SNCAIP: variants seen among roughly 807,000 people sequenced by gnomAD.
The protein encoded by SNCAIP is synphilin-1.
SNCAIP carries 43 observed loss-of-function variants against 86.7 expected under a neutral mutation model. That is an observed-to-expected ratio of 0.50 (90% CI 0.39 to 0.64). SNCAIP has a LOEUF of 0.64. Ranked by LOEUF, SNCAIP falls within the 30% of genes least tolerant of loss-of-function variation. SNCAIP has a pLI of 0.00. For synonymous variants in SNCAIP, 417 were observed against 427.2 expected (o/e 0.98, Z 0.29); for missense variants, 981 against 1,103.1 (o/e 0.89, Z 1.57).
chr5:122,315,428 ACATTAGCTACTCTCC>A (rs1305170280), intron 1 of SNCAIP, among the ~76,000 whole-genome samples: 1 of 152,222 alleles, frequency 6.6e-6, no homozygotes, highest in Non-Finnish European at 1.5e-5. Flanking sequence ...ACCTTGAATC[ACATTAGCTACTCTCC>A]CATTAGCCAT....
At position 122,403,851 on chromosome 5, in the gene SNCAIP, A is replaced by G; in HGVS notation, c.116A>G (p.Asn39Ser). Residue 39 changes from asparagine to serine, a missense_variant, in exon 3 of 11, where the codon AAC becomes AGC. Transcript: ENST00000261368. ...PELCRRCDTQ[N>S]EDRSVSSSSW... ...CTGTGCCGAAGATGTGATACGCAAAACGAAGACAGATCAGGTAGGTTTTGC... is the reference window on the plus strand; with the variant it reads ...CTGTGCCGAAGATGTGATACGCAAAGCGAAGACAGATCAGGTAGGTTTTGC... 6.2e-7 allele frequency: 1 copy of G among 1,613,574 alleles called. No individual in the cohort carries two copies. Among genetic ancestry groups the G allele is most frequent in the Non-Finnish European group, 8.5e-7 (1 of 1,179,566 alleles).
intron 1 of SNCAIP, among the ~76,000 whole-genome samples, chr5:122,345,845 G>T (rs1484269615): frequency 6.6e-6 from 1 of 151,820 alleles, no homozygotes; most frequent in African/African-American, 2.4e-5. Flanking sequence ...AAGAGATAGG[G>T]TCTCGCTTTG....
At chr5:122,388,010 A>G (rs1173547210) in intron 1 of SNCAIP, among the ~76,000 whole-genome samples, 2 of 152,196 alleles carry the variant, frequency 1.3e-5, no homozygotes, top group Admixed American at 1.3e-4. Flanking sequence ...TTTAATACTG[A>G]ATTCCTTTGA....
At chr5:122,402,725 C>T (rs1374168413) in intron 2 of SNCAIP, among the ~76,000 whole-genome samples, 1 of 152,186 alleles carries the variant, frequency 6.6e-6, no homozygotes, top group Non-Finnish European at 1.5e-5. Context: ...ACACATTCTT[C>T]ACTTGTAATG....
At chr5:122,381,383 C>G (rs1445150716) in intron 1 of SNCAIP, among the ~76,000 whole-genome samples, 2 of 135,876 alleles carry the variant, frequency 1.5e-5, no homozygotes, top group Non-Finnish European at 3.2e-5. Context: ...TTTTTGTTTT[C>G]CATTTGCTTG....
At chr5:122,376,019 C>T (rs911324705) in intron 1 of SNCAIP, among the ~76,000 whole-genome samples, 3 of 152,146 alleles carry the variant, frequency 2.0e-5, no homozygotes, top group Non-Finnish European at 2.9e-5. Flanking sequence ...ATCAGCATCA[C>T]GTGGGAACTT....
At chr5:122,381,377 TG>T in intron 1 of SNCAIP, among the ~76,000 whole-genome samples, 1 of 140,210 alleles carries the variant, frequency 7.1e-6, no homozygotes, top group South Asian at 2.5e-4. Context: ...TGCCTTTTTT[TG>T]TTTTCCATTT....
At chr5:122,371,085 A>C (rs2152792257) in intron 1 of SNCAIP, among the ~76,000 whole-genome samples, 1 of 152,156 alleles carries the variant, frequency 6.6e-6, no homozygotes. Context: ...AGGCTGAGGC[A>C]GGAGGATCAC....
chr5:122,382,730 G>A (rs1182054888), intron 1 of SNCAIP, among the ~76,000 whole-genome samples: 1 of 152,170 alleles, frequency 6.6e-6, no homozygotes, highest in African/African-American at 2.4e-5. Flanking sequence ...TGGTGTGGAT[G>A]TCCTTTCTGT....
At chr5:122,431,817 T>G (rs1778466812) in intron 5 of SNCAIP, 152 bp from the exon 6 acceptor site, 1 of 654,566 alleles carries the variant, frequency 1.5e-6, no homozygotes, top group African/African-American at 1.8e-5. Flanking sequence ...AGGAATATAA[T>G]AGGTGATATC....
rs896109772 is a variant in SNCAIP at position 122,326,606 on chromosome 5, C to T, written c.-47+14322C>T. Among the ~76,000 whole-genome samples, 332 of 42,170 alleles carry T rather than the reference C, an allele frequency of 7.9e-3. 1 individual carries two copies. The highest frequency in any genetic ancestry group is 0.011 in the Admixed American group (32 of 2,948). 27.7% of individuals were successfully genotyped at this position (42,170 alleles called of 152,430 possible). A position where few individuals can be genotyped will look rare whatever the true frequency, so the allele number is the denominator to read the frequency against. ...AGAAAGGGAACTTCAGAAATGTCTCCTTTTTTTTTTTTTTTTTTTTTTTTT... is the reference window on the plus strand; with the variant it reads ...AGAAAGGGAACTTCAGAAATGTCTCTTTTTTTTTTTTTTTTTTTTTTTTTT... On this transcript the variant is annotated intron_variant, in intron 1 of 10. Coordinates refer to ENST00000261368, the MANE Select transcript of SNCAIP (RefSeq NM_005460.4).
chr5:122,378,327 A>C (rs1765832128), intron 1 of SNCAIP, among the ~76,000 whole-genome samples: 1 of 137,210 alleles, frequency 7.3e-6, no homozygotes, highest in South Asian at 2.8e-4. Flanking sequence ...TTTTGGCTGC[A>C]TAAATGTCTT....
rs1787041420 is a variant in SNCAIP at position 122,463,741 on chromosome 5, G to C, written c.*245G>C. ...AGTAGACTGTAAAAGATTCATTTTGGGGTGATATCTGTATATATAACTTGT... is the reference window on the plus strand; with the variant it reads ...AGTAGACTGTAAAAGATTCATTTTGCGGTGATATCTGTATATATAACTTGT... On this transcript the variant is annotated 3_prime_UTR_variant, in exon 11 of 11. Coordinates refer to ENST00000261368, the MANE Select transcript of SNCAIP (RefSeq NM_005460.4). 2.0e-6 allele frequency: 1 copy of C among 501,078 alleles called. No individual in the cohort carries two copies. The highest frequency in any genetic ancestry group is 3.6e-5 in the Admixed American group (1 of 28,068). The allele number at this position is 501,078 out of a possible 1,614,324, so 31.0% of individuals were successfully genotyped here.
intron 1 of SNCAIP, among the ~76,000 whole-genome samples, chr5:122,345,690 T>TTTG (rs148446884): frequency 1.6e-4 from 25 of 151,672 alleles, no homozygotes; most frequent in Admixed American, 9.2e-4. Flanking sequence ...AGTCAGGGGA[T>TTTG]TTGTTGTTGT....
At chr5:122,450,506 C>A (rs202059471) in intron 9 of SNCAIP, 27 bp from the exon 10 acceptor site, 2 of 1,522,428 alleles carry the variant, frequency 1.3e-6, no homozygotes, top group South Asian at 1.1e-5. Context: ...AGGAAATCAT[C>A]TCATATGTCC....
At chr5:122,347,618 A>G (rs568415028) in intron 1 of SNCAIP, among the ~76,000 whole-genome samples, 1 of 152,178 alleles carries the variant, frequency 6.6e-6, no homozygotes, top group East Asian at 1.9e-4. Flanking sequence ...GAAAAAATAT[A>G]TATCCATATT....
At chr5:122,419,504 G>A (rs1026796232) in intron 3 of SNCAIP, among the ~76,000 whole-genome samples, 3 of 152,236 alleles carry the variant, frequency 2.0e-5, no homozygotes, top group Non-Finnish European at 4.4e-5. Context: ...GGCTTATTAG[G>A]CATGTTTACT....
chr5:122,355,415 A>G (rs1760796606), intron 1 of SNCAIP, among the ~76,000 whole-genome samples: 1 of 152,172 alleles, frequency 6.6e-6, no homozygotes, highest in African/African-American at 2.4e-5. Flanking sequence ...ATGTTGGTAC[A>G]TAATGAACCC....
At chr5:122,335,107 CTCTT>C (rs1028671022) in intron 1 of SNCAIP, among the ~76,000 whole-genome samples, 11 of 152,130 alleles carry the variant, frequency 7.2e-5, no homozygotes, top group African/African-American at 2.4e-4. Context: ...GATTTTTTTC[CTCTT>C]TCTTTTGATG....
Sources: allele counts gnomAD v4.1 joint callset (sites outside exome capture counted in the v4.1 genomes callset), GRCh38; gene constraint gnomAD v4.1.1; transcripts MANE v1.5; gene names NCBI Gene and HGNC (gene_info 2026-07-23, HGNC 2026-07-21).